The following USH2A variants were observed in gnomAD, a reference collection of about 807,000 sequenced individuals.
USH2A encodes usherin.
A neutral mutation model predicts 538.9 loss-of-function variants in USH2A; 443 were observed. The ratio of observed to expected loss-of-function variants is 0.82; its 90% CI spans 0.76 to 0.89. The LOEUF (loss-of-function observed/expected upper bound fraction) is 0.89. Ranked by LOEUF, USH2A falls within the 40% of genes least tolerant of loss-of-function variation. The pLI, the probability that USH2A is intolerant of heterozygous loss-of-function variation, is 0.00. For missense variants in USH2A, 6,633 were observed against 6,324.8 expected, an observed-to-expected ratio of 1.05 and a Z score of -1.65; for synonymous variants, 2,413 against 2,273.5, an observed-to-expected ratio of 1.06 and a Z score of -1.75.
At position 215,634,541 on chromosome 1, in the gene USH2A, T is replaced by C. The variant is rs773770998; in HGVS notation, c.15215A>G (p.Tyr5072Cys). Reference sequence around the variant, plus strand: ...TACCAAGGGAGGTCTTTCTCTGATATATGGCTCTTTGTGGATTTTTCTTTG... The same window carrying C: ...TACCAAGGGAGGTCTTTCTCTGATACATGGCTCTTTGTGGATTTTTCTTTG... ...ILQRKIHKEP[Y>C]IRERPPLVPL... Residue 5072 changes from tyrosine to cysteine, a missense_variant, in exon 70 of 72, where the codon TAT becomes TGT. Tyr to Cys is a radical substitution (Grantham distance 194, BLOSUM62 -2). Transcript: ENST00000307340. 4 of 1,614,206 alleles carry C rather than the reference T, an allele frequency of 2.5e-6. No homozygotes were observed. Among genetic ancestry groups the C allele is most frequent in the South Asian group, 1.1e-5 (1 of 91,082 alleles).
At chr1:216,156,150 G>A (rs528733239) in intron 21 of USH2A, among the ~76,000 whole-genome samples, 66 of 152,048 alleles carry the variant, frequency 4.3e-4, no homozygotes, top group South Asian at 2.9e-3. Context: ...ATTTATATTA[G>A]AATTTCCAAG....
intron 34 of USH2A, among the ~76,000 whole-genome samples, chr1:215,995,142 T>A (rs73092501): frequency 6.6e-6 from 1 of 152,164 alleles, no homozygotes; most frequent in Non-Finnish European, 1.5e-5. Flanking sequence ...CTATACAACA[T>A]ATAAGTATAT....
intron 60 of USH2A, among the ~76,000 whole-genome samples, chr1:215,740,233 A>G (rs1047913700): frequency 4.6e-5 from 7 of 151,214 alleles, no homozygotes; most frequent in Admixed American, 4.6e-4. Context: ...TCTCCTCCTC[A>G]TTCATTATTT....
Position 216,247,036 on chromosome 1 carries a change from C to T in USH2A, c.2358G>A (p.Gly786=), listed in dbSNP as rs750540500. The T allele has an allele frequency of 1.2e-6, 2 of 1,614,002 alleles. No individual in the cohort carries two copies. The highest frequency in any genetic ancestry group is 2.2e-5 in the East Asian group (1 of 44,848). ...AGGCCTTACAATTGGTGACATCTAA[C>T]CCATAAAAGTTTTCTCTGCAGGTGT... ...QCDTCRENFY[G]LDVTNCKACD... is the part of the protein sequence containing the mutation. Residue 786 remains glycine (G), a synonymous_variant, in exon 13 of 72, where the codon GGG becomes GGA. Transcript: ENST00000307340.
At chr1:216,090,214 G>A (rs1042799718) in intron 22 of USH2A, among the ~76,000 whole-genome samples, 4 of 151,592 alleles carry the variant, frequency 2.6e-5, no homozygotes, top group Non-Finnish European at 4.4e-5. Flanking sequence ...TTTTCAAAAA[G>A]AGAAAATAGA....
chr1:216,000,002 C>G (rs898151372), intron 33 of USH2A, among the ~76,000 whole-genome samples: 2 of 151,950 alleles, frequency 1.3e-5, no homozygotes, highest in Non-Finnish European at 2.9e-5. Context: ...CAGAACATGC[C>G]TATATGTGAA....
intron 61 of USH2A, among the ~76,000 whole-genome samples, chr1:215,683,048 T>TTTCG (rs1461557705): frequency 6.6e-6 from 1 of 151,910 alleles, no homozygotes; most frequent in African/African-American, 2.4e-5. Context: ...GTTTCTTTTC[T>TTTCG]TTCTTTCTTT....
At chr1:216,290,742 A>T (rs975786579) in intron 10 of USH2A, among the ~76,000 whole-genome samples, 1 of 152,152 alleles carries the variant, frequency 6.6e-6, no homozygotes, top group African/African-American at 2.4e-5. Flanking sequence ...AAACCGAGTG[A>T]ACATATCCAC....
rs1234330108 is a variant in USH2A at position 215,944,978 on chromosome 1, T to G, written c.7121-10183A>C. Among the ~76,000 whole-genome samples, 4 of 152,118 alleles carry G rather than the reference T, an allele frequency of 2.6e-5. No homozygotes were observed. In the East Asian group the frequency reaches 7.7e-4, roughly 29 times the overall value. ...TATTTTAAGAATATGATTAGATAAG[T>G]GCATCAAATAATTGCCTTATTCTAA... On this transcript the variant is annotated intron_variant, in intron 37 of 71. Transcript: ENST00000307340.
chr1:216,212,731 G>A (rs1390306901), intron 15 of USH2A, among the ~76,000 whole-genome samples: 1 of 151,800 alleles, frequency 6.6e-6, no homozygotes, highest in Non-Finnish European at 1.5e-5. Flanking sequence ...GTAGGGGTGT[G>A]TGTGTGTGTA....
intron 37 of USH2A, among the ~76,000 whole-genome samples, chr1:215,955,552 C>A (rs1042783666): frequency 6.6e-6 from 1 of 152,116 alleles, no homozygotes; most frequent in Non-Finnish European, 1.5e-5. Flanking sequence ...TTTTTGATTT[C>A]TGCTTCTTGG....
intron 21 of USH2A, among the ~76,000 whole-genome samples, chr1:216,146,250 C>T (rs2033700990): frequency 6.6e-6 from 1 of 152,246 alleles, no homozygotes; most frequent in African/African-American, 2.4e-5. Flanking sequence ...TATCCCTCAA[C>T]CGCTTTCTCC....
At chr1:216,321,308 T>C (rs2037604666) in intron 9 of USH2A, among the ~76,000 whole-genome samples, 1 of 152,244 alleles carries the variant, frequency 6.6e-6, no homozygotes, top group Admixed American at 6.6e-5. Flanking sequence ...TTACCTCTTT[T>C]CCCTAAAGAT....
chr1:215,694,577 C>A (rs1360807556), intron 61 of USH2A, among the ~76,000 whole-genome samples: 1 of 145,106 alleles, frequency 6.9e-6, no homozygotes, highest in African/African-American at 2.4e-5. Flanking sequence ...CATCTCAAAA[C>A]AAACAAACAA....
chr1:215,922,543 CAT>C (rs1558163100), intron 38 of USH2A, among the ~76,000 whole-genome samples: 3 of 148,236 alleles, frequency 2.0e-5, no homozygotes, highest in Non-Finnish European at 4.6e-5. Flanking sequence ...TAGACAAGAT[CAT>C]ATATTTTTTC....
chr1:216,094,850 T>A (rs2032400932), intron 22 of USH2A, among the ~76,000 whole-genome samples: 1 of 152,114 alleles, frequency 6.6e-6, no homozygotes, highest in Non-Finnish European at 1.5e-5. Flanking sequence ...TTGGGGAAAA[T>A]TAACTTACCT....
chr1:216,122,445 C>A (rs1183292292), intron 21 of USH2A, among the ~76,000 whole-genome samples: 1 of 152,116 alleles, frequency 6.6e-6, no homozygotes, highest in Non-Finnish European at 1.5e-5. Flanking sequence ...AAGGGATGTG[C>A]ATGTAATAGA....
chr1:215,965,161 C>T (rs1477951597), intron 37 of USH2A, among the ~76,000 whole-genome samples, 156 bp downstream of exon 37: 2 of 151,968 alleles, frequency 1.3e-5, no homozygotes, highest in African/African-American at 2.4e-5. Flanking sequence ...TTCTGAGAAC[C>T]GTCGGGCAGT....
At chr1:215,828,183 G>T (rs116652965) in intron 47 of USH2A, among the ~76,000 whole-genome samples, 1,583 of 152,182 alleles carry the variant, frequency 0.01, 34 homozygotes, top group African/African-American at 0.036. Context: ...TGCTGTGTGG[G>T]TCACATCTGT....
Sources: gnomAD v4.1 joint callset for allele counts (sites outside exome capture counted in the v4.1 genomes callset) on GRCh38, gnomAD v4.1.1 for gene constraint, MANE v1.5 for transcripts, NCBI Gene and HGNC (gene_info 2026-07-23, HGNC 2026-07-21) for gene names.